Variants in COL11A1 observed in about 807,000 individuals in gnomAD.
COL11A1 encodes the protein collagen type XI alpha 1 chain.
COL11A1 carries 74 observed loss-of-function variants against 265.2 expected under a neutral mutation model. That is an observed-to-expected ratio of 0.28 (90% CI 0.23 to 0.34). The LOEUF (loss-of-function observed/expected upper bound fraction) is 0.34, where lower values mean the gene tolerates loss of function less well. COL11A1 is among the 10% of genes least tolerant of loss of function. The pLI, the probability that COL11A1 is intolerant of heterozygous loss-of-function variation, is 1.00. For missense variants in COL11A1, 2,165 were observed against 2,263.6 expected (o/e 0.96, Z 0.88); for synonymous variants, 816 against 727.6 (o/e 1.12, Z -1.96).
intron 57 of COL11A1, among the ~76,000 whole-genome samples, chr1:102,891,981 G>C (rs1651835385): frequency 6.6e-6 from 1 of 152,064 alleles, no homozygotes; most frequent in East Asian, 1.9e-4. Flanking sequence ...CAGTCCTTGT[G>C]AAATTATACA....
intron 62 of COL11A1, 133 bp downstream of exon 62, chr1:102,888,444 T>C (rs904769987): frequency 1.2e-5 from 9 of 779,994 alleles, no homozygotes; most frequent in Middle Eastern, 2.5e-4. Context: ...ATTACTTAAA[T>C]GATATAATGT....
chr1:102,986,598 A>G (rs1663578389), intron 30 of COL11A1, among the ~76,000 whole-genome samples: 1 of 152,194 alleles, frequency 6.6e-6, no homozygotes, highest in Non-Finnish European at 1.5e-5. Flanking sequence ...AAATATAGAC[A>G]TATACATATA....
In COL11A1 at chr1:102,876,646, T is replaced by A. The variant is rs1011726536; in HGVS notation, c.*1373A>T. The stretch of plus-strand genomic sequence containing the variant: ...ATCAGTTGAAACTGTTCCAGTGAAA[T>A]CTGGTATCAATTAATTTAACACTTT... On this transcript the variant is annotated 3_prime_UTR_variant, in exon 67 of 67. Transcript: ENST00000370096. The A allele has an allele frequency of 6.6e-6, 1 of 152,514 alleles. No individual in the cohort carries two copies. Among genetic ancestry groups the A allele is most frequent in the Non-Finnish European group, 1.5e-5 (1 of 67,922 alleles). 9.4% of individuals were successfully genotyped at this position (152,514 alleles called of 1,614,324 possible).
chr1:103,070,915 C>T (rs964216148), intron 4 of COL11A1, among the ~76,000 whole-genome samples: 1 of 151,896 alleles, frequency 6.6e-6, no homozygotes, highest in African/African-American at 2.4e-5. Flanking sequence ...AATAATCAAG[C>T]TCTTAATGGC....
At chr1:102,905,249 G>T (rs1230475194) in intron 54 of COL11A1, among the ~76,000 whole-genome samples, 1 of 147,376 alleles carries the variant, frequency 6.8e-6, no homozygotes, top group Non-Finnish European at 1.5e-5. Context: ...GGGAGGGATA[G>T]CATTAGGAGA....
At chr1:103,028,648 G>C (rs1021108225) in intron 5 of COL11A1, among the ~76,000 whole-genome samples, 3 of 152,060 alleles carry the variant, frequency 2.0e-5, no homozygotes, top group African/African-American at 4.8e-5. Flanking sequence ...AGTAGGTTAG[G>C]AGAAAGGATC....
chr1:102,963,865 A>G (rs1661155568), intron 38 of COL11A1, among the ~76,000 whole-genome samples: 1 of 152,202 alleles, frequency 6.6e-6, no homozygotes, highest in Non-Finnish European at 1.5e-5. Flanking sequence ...GATCACCGAG[A>G]CAAAAATGAT....
chr1:103,002,924 C>T (rs538275565), intron 21 of COL11A1, 133 bp from the exon 22 acceptor site: 90 of 902,952 alleles, frequency 1.0e-4, no homozygotes, highest in Admixed American at 4.6e-4. Context: ...TTAATGGAAA[C>T]GAAGAAGAGA....
At chr1:102,976,459 C>CACT (rs1662505844) in intron 35 of COL11A1, among the ~76,000 whole-genome samples, 1 of 151,830 alleles carries the variant, frequency 6.6e-6, no homozygotes, top group Non-Finnish European at 1.5e-5. Context: ...CCACCATGCC[C>CACT]AGCTAATTTT....
intron 63 of COL11A1, 80 bp downstream of exon 63, chr1:102,886,727 A>G: frequency 6.4e-7 from 1 of 1,563,608 alleles, no homozygotes; most frequent in South Asian, 1.1e-5. Context: ...TAAACATTTA[A>G]CTAGAATGAA....
intron 3 of COL11A1, among the ~76,000 whole-genome samples, chr1:103,076,802 C>T (rs537027846): frequency 6.6e-6 from 1 of 152,252 alleles, no homozygotes; most frequent in South Asian, 2.1e-4. Flanking sequence ...GGAGGAACTT[C>T]ACCTGGGTTG....
chr1:102,913,202 A>T (rs1199687033), intron 53 of COL11A1, among the ~76,000 whole-genome samples: 1 of 150,718 alleles, frequency 6.6e-6, no homozygotes, highest in Non-Finnish European at 1.5e-5. Flanking sequence ...CTCCTGTATC[A>T]TTCACAAGTT....
Position 103,108,444 on chromosome 1 carries a change from T to C in COL11A1, c.-266A>G. 1 of 601,590 alleles carries C rather than the reference T, an allele frequency of 1.7e-6. No individual in the cohort carries two copies. The highest frequency in any genetic ancestry group is 3.0e-6 in the Non-Finnish European group (1 of 338,940). The allele number at this position is 601,590 out of a possible 1,614,324, so 37.3% of individuals were successfully genotyped here. A position where few individuals can be genotyped will look rare whatever the true frequency, so the allele number is the denominator to read the frequency against. ...GATCCTTCCTCTGCCGGGCCCTGCC[T>C]TCAGAATGAAGGCAGATGAGGGGCT... On this transcript the variant is annotated 5_prime_UTR_variant, in exon 1 of 67. Coordinates refer to ENST00000370096, the MANE Select transcript of COL11A1 (RefSeq NM_001854.4).
intron 4 of COL11A1, among the ~76,000 whole-genome samples, chr1:103,062,399 C>G (rs1302004994): frequency 1.3e-5 from 2 of 151,918 alleles, no homozygotes; most frequent in African/African-American, 4.8e-5. Flanking sequence ...AGACCAATAT[C>G]TCTCATGAAC....
intron 65 of COL11A1, chr1:102,880,150 C>T: frequency 2.1e-6 from 1 of 487,148 alleles, no homozygotes; most frequent in South Asian, 2.5e-5. Context: ...TTTGAAAAAA[C>T]CACTTTATCT....
At chr1:102,994,907 G>A (rs1418422523) in intron 28 of COL11A1, among the ~76,000 whole-genome samples, 3 of 152,024 alleles carry the variant, frequency 2.0e-5, no homozygotes, top group African/African-American at 7.2e-5. Context: ...AGAAGGCAAA[G>A]GAGAAACAAG....
In COL11A1 at chr1:103,004,672, A is replaced by C. The variant is rs1433678192; in HGVS notation, c.1846-11T>G. On this transcript the variant is annotated splice_polypyrimidine_tract_variant and intron_variant, in intron 18 of 66. Coordinates refer to ENST00000370096, the MANE Select transcript of COL11A1 (RefSeq NM_001854.4). The stretch of plus-strand genomic sequence containing the variant: ...AGGACCTCGTTCACCCTGTTAAATC[A>C]ATACAAATAAGATTAGCATATGGAA... 6.2e-7 allele frequency: 1 copy of C among 1,605,324 alleles called. No homozygotes were observed. Among genetic ancestry groups the C allele is most frequent in the Non-Finnish European group, 8.5e-7 (1 of 1,174,552 alleles).
Position 103,074,769 on chromosome 1 carries a change from A to G in COL11A1, c.500T>C (p.Val167Ala). The change falls in exon 4 of 67, where the codon GTA becomes GCA. Residue 167 changes from valine to alanine, a missense_variant. Physicochemically the swap from Val to Ala is moderately conservative, Grantham distance 64. Transcript: ENST00000370096. Reference sequence around the variant, plus strand: ...AGTTTTCTTCTCCACGCTGATTGCTACCCGATGCCACCTAAAAAAGACAAG... The same window carrying G: ...AGTTTTCTTCTCCACGCTGATTGCTGCCCGATGCCACCTAAAAAAGACAAG... ...VNIADGKWHR[V>A]AISVEKKTVT... The G allele has an allele frequency of 5.6e-6, 9 of 1,613,190 alleles. No homozygotes were observed. The highest frequency in any genetic ancestry group is 7.6e-6 in the Non-Finnish European group (9 of 1,179,508).
intron 1 of COL11A1, among the ~76,000 whole-genome samples, chr1:103,088,349 T>A (rs996540959): frequency 5.4e-5 from 8 of 149,376 alleles, no homozygotes; most frequent in Admixed American, 4.0e-4. Flanking sequence ...TTCAAAGAGT[T>A]TTTTTTTGTC....
Sources: gnomAD v4.1 joint callset for allele counts (sites outside exome capture counted in the v4.1 genomes callset) on GRCh38, gnomAD v4.1.1 for gene constraint, MANE v1.5 for transcripts, NCBI Gene and HGNC (gene_info 2026-07-23, HGNC 2026-07-21) for gene names.